Variants in CACNA2D1 observed in about 807,000 individuals in gnomAD.
CACNA2D1 encodes the protein calcium voltage-gated channel auxiliary subunit alpha2delta 1.
Under a neutral mutation model 171.5 loss-of-function variants are expected in CACNA2D1, and 53 were observed. The observed-to-expected ratio is 0.31, with a 90% confidence interval of 0.25 to 0.39. CACNA2D1 has a LOEUF of 0.39. CACNA2D1 is among the 10% of genes least tolerant of loss of function. The pLI, the probability that CACNA2D1 is intolerant of heterozygous loss-of-function variation, is 1.00. For synonymous variants in CACNA2D1, 442 were observed against 443.1 expected, an observed-to-expected ratio of 1.00 and a Z score of 0.03; for missense variants, 903 against 1,299.8, an observed-to-expected ratio of 0.69 and a Z score of 4.69.
chr7:81,966,163 G>A (rs767575430), intron 31 of CACNA2D1, among the ~76,000 whole-genome samples: 1 of 148,662 alleles, frequency 6.7e-6, no homozygotes, highest in African/African-American at 2.5e-5. Flanking sequence ...GATAATTGGA[G>A]ATTTAAAAGC....
intron 5 of CACNA2D1, among the ~76,000 whole-genome samples, chr7:82,125,521 T>C (rs1046921115): frequency 6.6e-6 from 1 of 152,200 alleles, no homozygotes; most frequent in African/African-American, 2.4e-5. Context: ...TCATAGATAA[T>C]TGTTACATTG....
chr7:81,962,995 T>TAG (rs1310500664), intron 34 of CACNA2D1, among the ~76,000 whole-genome samples: 1 of 151,950 alleles, frequency 6.6e-6, no homozygotes, highest in Non-Finnish European at 1.5e-5. Flanking sequence ...ATATACATAT[T>TAG]AGAGAGATAC....
intron 3 of CACNA2D1, among the ~76,000 whole-genome samples, chr7:82,267,123 T>C (rs1807968937): frequency 6.6e-6 from 1 of 152,170 alleles, no homozygotes; most frequent in Non-Finnish European, 1.5e-5. Flanking sequence ...TCAATTTAGA[T>C]TCAAATAGAT....
At chr7:82,066,731 C>T (rs190628009) in intron 7 of CACNA2D1, among the ~76,000 whole-genome samples, 3 of 152,130 alleles carry the variant, frequency 2.0e-5, no homozygotes, top group Non-Finnish European at 4.4e-5. Flanking sequence ...CAATGATAGT[C>T]GATTCTCTTT....
At chr7:82,085,580 C>CA in intron 6 of CACNA2D1, among the ~76,000 whole-genome samples, 2 of 149,954 alleles carry the variant, frequency 1.3e-5, no homozygotes, top group Admixed American at 1.3e-4. Flanking sequence ...GTTTATACAA[C>CA]AAAAATGTAC....
At chr7:82,089,334 G>A (rs1479044918) in intron 6 of CACNA2D1, among the ~76,000 whole-genome samples, 1 of 152,084 alleles carries the variant, frequency 6.6e-6, no homozygotes, top group Non-Finnish European at 1.5e-5. Flanking sequence ...CTTAGATTAG[G>A]AGTAAAATTA....
intron 4 of CACNA2D1, among the ~76,000 whole-genome samples, chr7:82,151,558 G>A (rs1262868162): frequency 6.6e-6 from 1 of 152,048 alleles, no homozygotes. Context: ...AATTTGGATG[G>A]TTTTTAAATA....
Position 81,950,366 on chromosome 7 carries a change from A to C in CACNA2D1, c.*26T>G. The C allele has an allele frequency of 1.9e-6, 3 of 1,613,014 alleles. No individual in the cohort carries two copies. The South Asian group carries it at 3.3e-5, about 18-fold the overall frequency. The stretch of plus-strand genomic sequence containing the variant: ...ATGTTTTGGCAGGGTCTGGAGTTTA[A>C]CTATGCAGATTTGGTTTTTAGAAGG... On this transcript the variant is annotated 3_prime_UTR_variant, in exon 39 of 39. Coordinates refer to ENST00000356860, the MANE Select transcript of CACNA2D1 (RefSeq NM_000722.4).
At chr7:82,266,198 T>C (rs1254141665) in intron 3 of CACNA2D1, among the ~76,000 whole-genome samples, 1 of 152,164 alleles carries the variant, frequency 6.6e-6, no homozygotes, top group Non-Finnish European at 1.5e-5. Context: ...AGACAATAAT[T>C]AGGTGTGTCT....
chr7:81,948,411 C>T lies in CACNA2D1; in HGVS notation c.*1981G>A, dbSNP rs1299548032. 1 of 151,592 alleles carries T rather than the reference C, an allele frequency of 6.6e-6. No individual in the cohort carries two copies. Among genetic ancestry groups the T allele is most frequent in the African/African-American group, 2.4e-5 (1 of 41,310 alleles). 9.4% of individuals were successfully genotyped at this position (151,592 alleles called of 1,614,324 possible). ...CATTAGAAATGGTAACTGATGTCAA[C>T]TCTTAGAACAATAGTTGGCAAAGTG... On this transcript the variant is annotated 3_prime_UTR_variant, in exon 39 of 39. Transcript: ENST00000356860.
intron 3 of CACNA2D1, among the ~76,000 whole-genome samples, chr7:82,300,480 T>C (rs534328750): frequency 1.3e-5 from 2 of 152,222 alleles, no homozygotes; most frequent in East Asian, 3.9e-4. Context: ...AAGCCATGAG[T>C]AATTCATATA....
At chr7:82,327,919 C>G (rs914438525) in intron 3 of CACNA2D1, among the ~76,000 whole-genome samples, 1 of 152,160 alleles carries the variant, frequency 6.6e-6, no homozygotes, top group African/African-American at 2.4e-5. Flanking sequence ...ACCCCAGCCC[C>G]TCAGCTCCCA....
intron 3 of CACNA2D1, among the ~76,000 whole-genome samples, chr7:82,201,163 G>A (rs62462991): frequency 0.045 from 6,892 of 152,186 alleles, 193 homozygotes; most frequent in Non-Finnish European, 0.062. Flanking sequence ...GCAGTAGCTC[G>A]ACAGATCTTA....
chr7:82,271,491 A>G (rs1216482899), intron 3 of CACNA2D1, among the ~76,000 whole-genome samples: 1 of 152,128 alleles, frequency 6.6e-6, no homozygotes, highest in Admixed American at 6.6e-5. Flanking sequence ...ACCCATTATC[A>G]CTTGTCAAAT....
intron 12 of CACNA2D1, among the ~76,000 whole-genome samples, chr7:82,015,449 AAT>A (rs1465556281): frequency 6.6e-6 from 1 of 152,214 alleles, no homozygotes; most frequent in Non-Finnish European, 1.5e-5. Flanking sequence ...TTTTAAAATC[AAT>A]AGAGAGTTTT....
Position 82,060,459 on chromosome 7 carries a change from A to G in CACNA2D1, c.848T>C (p.Leu283Pro). The change falls in exon 10 of 39, where the codon CTC becomes CCC. Residue 283 changes from leucine (L) to proline (P), a missense_variant. By Grantham distance (98) the Leu-to-Pro change is moderately conservative (BLOSUM62 -3). Transcript: ENST00000356860. Reference sequence around the variant, plus strand: ...TACATTCACGAAATCATCATCTGAGAGGGTTTCTAACATTTCGGAGACAGA... The same window carrying G: ...TACATTCACGAAATCATCATCTGAGGGGGTTTCTAACATTTCGGAGACAGA... ...RTSVSEMLET[L>P]SDDDFVNVAS... is the part of the protein sequence containing the mutation. The G allele has an allele frequency of 6.2e-7, 1 of 1,609,058 alleles. No homozygotes were observed. Among genetic ancestry groups the G allele is most frequent in the Non-Finnish European group, 8.5e-7 (1 of 1,177,542 alleles).
chr7:82,066,537 AAAAAAG>A lies in CACNA2D1; in HGVS notation c.659-19_659-14del, dbSNP rs1204414249. 1 of 1,592,966 alleles carries A rather than the reference AAAAAAG, an allele frequency of 6.3e-7. No homozygotes were observed. The highest frequency in any genetic ancestry group is 1.7e-5 in the Admixed American group (1 of 57,172). On this transcript the variant is annotated splice_polypyrimidine_tract_variant and intron_variant, in intron 7 of 38. Transcript: ENST00000356860. ...ACCCATGGTGAAGCTAAAAAAAAAA[AAAAAAG>A]AGAGATATTAAATCAAAATATTAGA...
intron 19 of CACNA2D1, among the ~76,000 whole-genome samples, chr7:81,996,671 T>C (rs1200323630): frequency 2.0e-5 from 3 of 150,664 alleles, no homozygotes; most frequent in Non-Finnish European, 4.4e-5. Context: ...TTCTAATATT[T>C]TTATTATTAA....
At chr7:82,363,644 T>A (rs541215611) in intron 1 of CACNA2D1, among the ~76,000 whole-genome samples, 53 of 152,276 alleles carry the variant, frequency 3.5e-4, no homozygotes, top group Non-Finnish European at 5.4e-4. Flanking sequence ...AGGTGAGACT[T>A]TTTATCTTGA....
Sources: allele counts gnomAD v4.1 joint callset (sites outside exome capture counted in the v4.1 genomes callset), GRCh38; gene constraint gnomAD v4.1.1; transcripts MANE v1.5; gene names NCBI Gene and HGNC (gene_info 2026-07-23, HGNC 2026-07-21).